PTPRD: variants seen among roughly 807,000 people sequenced by gnomAD.
PTPRD encodes the protein protein tyrosine phosphatase receptor type D.
PTPRD carries 34 observed loss-of-function variants against 214.5 expected under a neutral mutation model. The ratio of observed to expected loss-of-function variants is 0.16; its 90% CI spans 0.12 to 0.21. The LOEUF is 0.21. PTPRD is among the 10% of genes least tolerant of loss of function. The pLI is 1.00. For missense variants in PTPRD, 2,545 were observed against 2,398.7 expected, an observed-to-expected ratio of 1.06 and a Z score of -1.27; for synonymous variants, 1,128 against 845.7, an observed-to-expected ratio of 1.33 and a Z score of -5.79.
intron 10 of PTPRD, among the ~76,000 whole-genome samples, chr9:9,162,320 C>G (rs2099891274): frequency 6.6e-6 from 1 of 152,114 alleles, no homozygotes; most frequent in Non-Finnish European, 1.5e-5. Context: ...CAACTTAATT[C>G]CCATTCCTGA....
At chr9:8,819,372 G>A (rs1430243020) in intron 11 of PTPRD, among the ~76,000 whole-genome samples, 1 of 151,942 alleles carries the variant, frequency 6.6e-6, no homozygotes, top group Non-Finnish European at 1.5e-5. Context: ...TAATATAAAA[G>A]CTCTTTGGGG....
At chr9:8,649,086 G>A (rs2096753239) in intron 12 of PTPRD, among the ~76,000 whole-genome samples, 1 of 152,166 alleles carries the variant, frequency 6.6e-6, no homozygotes, top group South Asian at 2.1e-4. Flanking sequence ...GAAAAATAAA[G>A]AACAATGCCA....
At chr9:8,788,252 GA>G (rs2096072323) in intron 11 of PTPRD, among the ~76,000 whole-genome samples, 1 of 114,808 alleles carries the variant, frequency 8.7e-6, no homozygotes, top group Non-Finnish European at 1.8e-5. Context: ...CATATAAGAT[GA>G]TTTTTTTTTT....
chr9:10,136,653 G>C lies in PTPRD; in HGVS notation c.-544-102863C>G, dbSNP rs992855486. Among the ~76,000 whole-genome samples, 6 of 122,530 alleles carry C rather than the reference G, an allele frequency of 4.9e-5. 1 individual carries two copies. The highest frequency in any genetic ancestry group is 1.9e-4 in the African/African-American group (6 of 30,824). The allele number at this position is 122,530 out of a possible 152,430, so 80.4% of individuals were successfully genotyped here. A position where few individuals can be genotyped will look rare whatever the true frequency, so the allele number is the denominator to read the frequency against. On this transcript the variant is annotated intron_variant, in intron 3 of 45. Coordinates refer to ENST00000381196, the MANE Select transcript of PTPRD (RefSeq NM_002839.4). Reference sequence around the variant, plus strand: ...ACATAGGCGTGGGCAAGGACTTCATGTCCAAAACACCAAAAGCAATGGCAA... The same window carrying C: ...ACATAGGCGTGGGCAAGGACTTCATCTCCAAAACACCAAAAGCAATGGCAA...
chr9:9,249,731 T>C (rs2099974666), intron 9 of PTPRD, among the ~76,000 whole-genome samples: 2 of 152,084 alleles, frequency 1.3e-5, no homozygotes, highest in Admixed American at 1.3e-4. Flanking sequence ...TCACTGTCTT[T>C]GTCAAGGAAA....
At chr9:9,637,600 C>T (rs1236924909) in intron 7 of PTPRD, among the ~76,000 whole-genome samples, 2 of 152,244 alleles carry the variant, frequency 1.3e-5, no homozygotes, top group African/African-American at 2.4e-5. Flanking sequence ...CCGCATATGG[C>T]TTTTCTGGGT....
chr9:10,006,217 T>A (rs2096471153), intron 4 of PTPRD, among the ~76,000 whole-genome samples: 1 of 152,136 alleles, frequency 6.6e-6, no homozygotes, highest in East Asian at 1.9e-4. Flanking sequence ...TTTAATACAT[T>A]GATGATTTAC....
At chr9:9,355,014 G>A (rs117001008) in intron 9 of PTPRD, among the ~76,000 whole-genome samples, 82 of 151,860 alleles carry the variant, frequency 5.4e-4, no homozygotes, top group Non-Finnish European at 9.3e-4. Flanking sequence ...TGCCATTGTA[G>A]AGTATGGATG....
intron 3 of PTPRD, among the ~76,000 whole-genome samples, chr9:10,164,307 C>T (rs1234162811): frequency 6.6e-6 from 1 of 151,486 alleles, no homozygotes; most frequent in East Asian, 1.9e-4. Context: ...ATACAAATGA[C>T]AACAATTTAT....
At chr9:8,422,312 C>G (rs1229502844) in intron 35 of PTPRD, among the ~76,000 whole-genome samples, 1 of 151,982 alleles carries the variant, frequency 6.6e-6, no homozygotes, top group Non-Finnish European at 1.5e-5. Context: ...TATCACAATC[C>G]TTGTAATGTT....
intron 2 of PTPRD, among the ~76,000 whole-genome samples, chr9:10,577,936 C>T (rs1474648261): frequency 2.1e-5 from 3 of 144,846 alleles, no homozygotes; most frequent in African/African-American, 7.7e-5. Flanking sequence ...TTTTTTGAGA[C>T]AGAGTCTCAC....
intron 11 of PTPRD, among the ~76,000 whole-genome samples, chr9:8,925,776 T>C (rs1288058067): frequency 2.0e-5 from 3 of 151,244 alleles, no homozygotes; most frequent in African/African-American, 7.3e-5. Context: ...CCCCTGACAC[T>C]CACTGTTAGA....
intron 5 of PTPRD, among the ~76,000 whole-genome samples, chr9:9,833,687 G>GA (rs1275673874): frequency 1.3e-5 from 2 of 148,344 alleles, no homozygotes; most frequent in Non-Finnish European, 3.0e-5. Flanking sequence ...CCGGAGAGGG[G>GA]GGCAGTTCAG....
At chr9:9,291,563 ATG>A (rs1285231296) in intron 9 of PTPRD, among the ~76,000 whole-genome samples, 2 of 151,412 alleles carry the variant, frequency 1.3e-5, no homozygotes, top group African/African-American at 4.8e-5. Context: ...ATTTTGTAAT[ATG>A]TGATTAACTT....
intron 2 of PTPRD, among the ~76,000 whole-genome samples, chr9:10,348,816 C>G (rs1306427222): frequency 6.6e-6 from 1 of 152,166 alleles, no homozygotes; most frequent in East Asian, 1.9e-4. Flanking sequence ...TCACGCAAGC[C>G]TGCCTGCTAT....
At chr9:9,614,347 A>T (rs1334490662) in intron 7 of PTPRD, among the ~76,000 whole-genome samples, 2 of 152,174 alleles carry the variant, frequency 1.3e-5, no homozygotes, top group African/African-American at 2.4e-5. Flanking sequence ...TTTCCCTGGC[A>T]TCATGATCAG....
intron 10 of PTPRD, among the ~76,000 whole-genome samples, chr9:9,123,435 G>C (rs945157180): frequency 2.0e-5 from 3 of 152,168 alleles, no homozygotes; most frequent in Non-Finnish European, 2.9e-5. Flanking sequence ...TCAGTAGACT[G>C]ACAGCTACAT....
intron 3 of PTPRD, among the ~76,000 whole-genome samples, chr9:10,268,482 G>T (rs2094226768): frequency 6.6e-6 from 1 of 152,102 alleles, no homozygotes; most frequent in Admixed American, 6.5e-5. Flanking sequence ...AAACTCTAAA[G>T]TGCTCCTTAG....
At chr9:9,121,308 C>T (rs949839357) in intron 10 of PTPRD, among the ~76,000 whole-genome samples, 1 of 152,160 alleles carries the variant, frequency 6.6e-6, no homozygotes, top group South Asian at 2.1e-4. Flanking sequence ...ATTGATTGAG[C>T]AATGACACTA....
Sources: allele counts gnomAD v4.1 joint callset (sites outside exome capture counted in the v4.1 genomes callset), GRCh38; gene constraint gnomAD v4.1.1; transcripts MANE v1.5; gene names NCBI Gene and HGNC (gene_info 2026-07-23, HGNC 2026-07-21).